Variants in KSR2 observed in about 807,000 individuals in gnomAD.
KSR2 encodes the protein kinase suppressor of ras 2.
A neutral mutation model predicts 107.8 loss-of-function variants in KSR2; 25 were observed. That is an observed-to-expected ratio of 0.23 (90% CI 0.17 to 0.32). The LOEUF (loss-of-function observed/expected upper bound fraction) is 0.32. KSR2 is among the 10% of genes least tolerant of loss of function. The pLI is 1.00. For missense variants in KSR2, 887 were observed against 1,268.9 expected (o/e 0.70, Z 4.57); for synonymous variants, 480 against 507.0 (o/e 0.95, Z 0.71).
chr12:117,585,968 C>T (rs1381379967), intron 5 of KSR2, among the ~76,000 whole-genome samples: 1 of 152,198 alleles, frequency 6.6e-6, no homozygotes, highest in Admixed American at 6.5e-5. Context: ...ACAGGTCTTG[C>T]TGTTGATGTC....
At position 117,454,425 on chromosome 12, in the gene KSR2, G is replaced by C. The variant is rs1870497469; in HGVS notation, c.*12774C>G. The C allele has an allele frequency of 6.6e-6, 1 of 152,248 alleles. No individual in the cohort carries two copies. The highest frequency in any genetic ancestry group is 6.5e-5 in the Admixed American group (1 of 15,290). The allele number at this position is 152,248 out of a possible 1,614,324, so 9.4% of individuals were successfully genotyped here. A position where few individuals can be genotyped will look rare whatever the true frequency, so the allele number is the denominator to read the frequency against. On this transcript the variant is annotated 3_prime_UTR_variant, in exon 20 of 20. Transcript: ENST00000339824. ...TGCAGTAGCCACATATACCCTGGGAGTCTGGCGGTCAGCAAAGATGCTTTG... is the reference window on the plus strand; with the variant it reads ...TGCAGTAGCCACATATACCCTGGGACTCTGGCGGTCAGCAAAGATGCTTTG...
rs1333970171 is a variant in KSR2, at chr12:117,949,075, CA to C, written c.180+19000del. Among the ~76,000 whole-genome samples the C allele has an allele frequency of 3.3e-5, 5 of 152,008 alleles. No homozygotes were observed. The East Asian group carries it at 9.7e-4, about 29-fold the overall frequency. Reference sequence around the variant, plus strand: ...CACCACTGCACTCCAGCCTGGGAGACAAGAGTGAGACTCTGTCTCAAAAAAT... The same window carrying C: ...CACCACTGCACTCCAGCCTGGGAGACAGAGTGAGACTCTGTCTCAAAAAAT... On this transcript the variant is annotated intron_variant, in intron 1 of 19. Transcript: ENST00000339824.
At chr12:117,775,142 T>C (rs532046281) in intron 3 of KSR2, among the ~76,000 whole-genome samples, 77 of 152,340 alleles carry the variant, frequency 5.1e-4, no homozygotes, top group Non-Finnish European at 9.4e-4. Flanking sequence ...TGTTTGAACA[T>C]CTGTTTTCAG....
chr12:117,477,544 C>T (rs760217730), intron 16 of KSR2, among the ~76,000 whole-genome samples: 9 of 152,184 alleles, frequency 5.9e-5, no homozygotes, highest in East Asian at 1.9e-4. Context: ...AAGCATCGTA[C>T]AAATAATTAA....
intron 1 of KSR2, among the ~76,000 whole-genome samples, chr12:117,861,874 GAA>G (rs1421662623): frequency 6.6e-6 from 1 of 152,132 alleles, no homozygotes; most frequent in Non-Finnish European, 1.5e-5. Context: ...CATGAGAAAA[GAA>G]AGTTTTTTAT....
At chr12:117,701,379 C>T (rs1886305491) in intron 4 of KSR2, among the ~76,000 whole-genome samples, 1 of 152,194 alleles carries the variant, frequency 6.6e-6, no homozygotes, top group South Asian at 2.1e-4. Context: ...AGGTGTGAGC[C>T]ACTGCACCAG....
intron 14 of KSR2, chr12:117,517,843 T>C: frequency 2.2e-6 from 1 of 455,956 alleles, no homozygotes; most frequent in South Asian, 1.5e-5. Context: ...TTTAGGACAA[T>C]CAAACTGGCC....
rs1467503971 is a variant in KSR2 at position 117,936,524 on chromosome 12, TTATTATTATTAGTAG to T, written c.180+31537_180+31551del. The stretch of plus-strand genomic sequence containing the variant: ...CATTATTATTATTTTATTATTATTA[TTATTATTATTAGTAG>T]TAGTAGTAGTAGTAGTAGTAGTAGT... On this transcript the variant is annotated intron_variant, in intron 1 of 19. Transcript: ENST00000339824. 3.6e-3 allele frequency among the ~76,000 whole-genome samples: 334 copies of T among 93,774 alleles called. 1 individual carries two copies. Among genetic ancestry groups the T allele is most frequent in the Middle Eastern group, 0.014 (3 of 220 alleles). 61.5% of individuals were successfully genotyped at this position (93,774 alleles called of 152,430 possible). A position where few individuals can be genotyped will look rare whatever the true frequency, so the allele number is the denominator to read the frequency against.
intron 4 of KSR2, among the ~76,000 whole-genome samples, chr12:117,672,370 A>C (rs1884947028): frequency 6.6e-6 from 1 of 152,154 alleles, no homozygotes; most frequent in Non-Finnish European, 1.5e-5. Context: ...CCTGATTGTG[A>C]CCTTGAGAAA....
intron 1 of KSR2, among the ~76,000 whole-genome samples, chr12:117,963,712 C>A (rs1225366721): frequency 6.6e-6 from 1 of 152,236 alleles, no homozygotes; most frequent in African/African-American, 2.4e-5. Context: ...GTCTGACTCT[C>A]TAATCTTTAG....
chr12:117,545,802 T>C (rs972168143), intron 9 of KSR2, among the ~76,000 whole-genome samples: 5 of 152,204 alleles, frequency 3.3e-5, no homozygotes, highest in African/African-American at 7.2e-5. Flanking sequence ...TCTCTTTGTA[T>C]AGCTTTTTAA....
intron 4 of KSR2, among the ~76,000 whole-genome samples, chr12:117,709,007 C>A (rs1242708246): frequency 6.6e-6 from 1 of 152,112 alleles, no homozygotes; most frequent in Admixed American, 6.6e-5. Flanking sequence ...TCTATCATCA[C>A]ATCTCCTTTT....
chr12:117,837,215 T>A (rs1415544508), intron 3 of KSR2, among the ~76,000 whole-genome samples: 3 of 152,178 alleles, frequency 2.0e-5, no homozygotes, highest in Non-Finnish European at 2.9e-5. Context: ...AAGCTCGGTC[T>A]GTGAAACAGA....
chr12:117,740,812 A>G (rs1888193128), intron 4 of KSR2, among the ~76,000 whole-genome samples: 1 of 151,964 alleles, frequency 6.6e-6, no homozygotes, highest in Non-Finnish European at 1.5e-5. Context: ...CAATTGATAG[A>G]ACTTGGCACA....
intron 5 of KSR2, among the ~76,000 whole-genome samples, chr12:117,662,355 AC>A (rs1196423172): frequency 6.6e-6 from 1 of 151,418 alleles, no homozygotes; most frequent in East Asian, 1.9e-4. Flanking sequence ...TTATATAATC[AC>A]CCCCATCCTG....
At chr12:117,747,891 G>A (rs1888469558) in intron 4 of KSR2, among the ~76,000 whole-genome samples, 1 of 152,156 alleles carries the variant, frequency 6.6e-6, no homozygotes, top group African/African-American at 2.4e-5. Context: ...AAAACAGTGT[G>A]GAGGTTCCAC....
intron 4 of KSR2, among the ~76,000 whole-genome samples, chr12:117,724,812 AAAG>A (rs994435344): frequency 6.6e-5 from 10 of 151,990 alleles, no homozygotes; most frequent in Non-Finnish European, 1.2e-4. Context: ...ACTCATTAGA[AAAG>A]AAGAAGTATG....
At position 117,623,564 on chromosome 12, in the gene KSR2, CT is replaced by C. The variant is rs1330068884; in HGVS notation, c.1172-41206del. Among the ~76,000 whole-genome samples, 17 of 152,242 alleles carry C rather than the reference CT, an allele frequency of 1.1e-4. No homozygotes were observed. The East Asian group carries it at 2.7e-3, about 24-fold the overall frequency. ...TCCCTGCAAAGGACATGAACTCATC[CT>C]TTTTTATGGCTGCATAGTATTCCAT... On this transcript the variant is annotated intron_variant, in intron 5 of 19. Transcript: ENST00000339824.
intron 2 of KSR2, among the ~76,000 whole-genome samples, chr12:117,858,818 G>C (rs150514687): frequency 6.6e-6 from 1 of 152,290 alleles, no homozygotes; most frequent in African/African-American, 2.4e-5. Context: ...TGTACAAGGG[G>C]GATAACAGTC....
Sources: gnomAD v4.1 joint callset for allele counts (sites outside exome capture counted in the v4.1 genomes callset) on GRCh38, gnomAD v4.1.1 for gene constraint, MANE v1.5 for transcripts, NCBI Gene and HGNC (gene_info 2026-07-23, HGNC 2026-07-21) for gene names.